Variants in GUCY1A2 observed in about 807,000 individuals in gnomAD.
GUCY1A2 encodes guanylate cyclase 1 soluble subunit alpha 2.
A neutral mutation model predicts 63.5 loss-of-function variants in GUCY1A2; 27 were observed. The ratio of observed to expected loss-of-function variants is 0.43; its 90% CI spans 0.31 to 0.59. The LOEUF (loss-of-function observed/expected upper bound fraction) is 0.59, where lower values mean the gene tolerates loss of function less well. GUCY1A2 is among the 20% of genes least tolerant of loss of function. The pLI is 0.11. For synonymous variants in GUCY1A2, 364 were observed against 343.5 expected, an observed-to-expected ratio of 1.06 and a Z score of -0.66; for missense variants, 768 against 913.3, an observed-to-expected ratio of 0.84 and a Z score of 2.05.
intron 1 of GUCY1A2, among the ~76,000 whole-genome samples, chr11:106,992,551 C>T (rs915216358): frequency 2.6e-5 from 4 of 151,802 alleles, no homozygotes; most frequent in Admixed American, 6.6e-5. Flanking sequence ...AGGATGGTCT[C>T]GATCTCCTGA....
intron 4 of GUCY1A2, among the ~76,000 whole-genome samples, chr11:106,934,505 A>G (rs954777311): frequency 8.5e-5 from 13 of 152,208 alleles, no homozygotes; most frequent in African/African-American, 2.4e-4. Flanking sequence ...AAACTTTTCA[A>G]TCATCGCCTC....
intron 4 of GUCY1A2, chr11:106,827,167 A>T: frequency 6.7e-7 from 1 of 1,499,642 alleles, no homozygotes; most frequent in South Asian, 1.1e-5. Context: ...TTTAAGATTC[A>T]AGCCTTCATG....
intron 6 of GUCY1A2, among the ~76,000 whole-genome samples, chr11:106,728,187 A>G (rs1418563614): frequency 6.6e-6 from 1 of 152,140 alleles, no homozygotes; most frequent in Non-Finnish European, 1.5e-5. Context: ...TTCTTCTTGC[A>G]CCATCCTACC....
Position 106,801,333 on chromosome 11 carries a change from T to C in GUCY1A2, c.1692+8660A>G, listed in dbSNP as rs138047627. On this transcript the variant is annotated intron_variant, in intron 5 of 7. Coordinates refer to ENST00000526355, the MANE Select transcript of GUCY1A2 (RefSeq NM_000855.3). ...TCATAACAGTCCTGTGACATACTAT[T>C]GTTTTCATTTTAAAAAGATGAACTC... is the stretch of plus-strand genomic sequence containing the variant. Among the ~76,000 whole-genome samples, 7 of 152,298 alleles carry C rather than the reference T, an allele frequency of 4.6e-5. No homozygotes were observed. The East Asian group carries it at 1.4e-3, about 29-fold the overall frequency.
At chr11:106,885,978 A>AAG (rs553383713) in intron 4 of GUCY1A2, among the ~76,000 whole-genome samples, 2 of 152,092 alleles carry the variant, frequency 1.3e-5, no homozygotes, top group Admixed American at 1.3e-4. Context: ...GAAAGAGAAA[A>AAG]AGAGAGAGAG....
intron 5 of GUCY1A2, among the ~76,000 whole-genome samples, chr11:106,805,711 C>T (rs1179894204): frequency 6.6e-6 from 1 of 152,130 alleles, no homozygotes; most frequent in Non-Finnish European, 1.5e-5. Flanking sequence ...GGAATGAAGA[C>T]AGAGGTGCTG....
chr11:106,897,731 T>C (rs922025261), intron 4 of GUCY1A2, among the ~76,000 whole-genome samples: 4 of 151,800 alleles, frequency 2.6e-5, no homozygotes, highest in African/African-American at 9.7e-5. Flanking sequence ...AGACCAAATG[T>C]TAAATGCAAA....
intron 6 of GUCY1A2, among the ~76,000 whole-genome samples, chr11:106,741,974 A>C (rs928291498): frequency 6.6e-6 from 1 of 152,220 alleles, no homozygotes; most frequent in Non-Finnish European, 1.5e-5. Flanking sequence ...ATGTATAACA[A>C]GGCTGTTCAT....
At chr11:107,014,177 C>G (rs1861787921) in intron 1 of GUCY1A2, among the ~76,000 whole-genome samples, 1 of 149,174 alleles carries the variant, frequency 6.7e-6, no homozygotes, top group Non-Finnish European at 1.5e-5. Flanking sequence ...CAACCTCTGC[C>G]TCCCGGGTTC....
intron 1 of GUCY1A2, among the ~76,000 whole-genome samples, chr11:107,013,735 T>C (rs1227501350): frequency 2.0e-5 from 3 of 152,058 alleles, no homozygotes; most frequent in Non-Finnish European, 4.4e-5. Flanking sequence ...ATTTTTATTA[T>C]TATGGCTGCA....
At chr11:106,708,759 T>TA in intron 6 of GUCY1A2, 93 bp from the exon 7 acceptor site, 1 of 749,736 alleles carries the variant, frequency 1.3e-6, no homozygotes, top group Non-Finnish European at 2.0e-6. Flanking sequence ...ATAATAATAA[T>TA]AATAAAAAAA....
chr11:106,769,200 C>G (rs985718928), intron 6 of GUCY1A2, among the ~76,000 whole-genome samples: 1 of 152,016 alleles, frequency 6.6e-6, no homozygotes, highest in East Asian at 1.9e-4. Flanking sequence ...AGTGAAAGAA[C>G]AAATGATGTA....
At chr11:106,897,480 G>C (rs111333266) in intron 4 of GUCY1A2, among the ~76,000 whole-genome samples, 2 of 151,928 alleles carry the variant, frequency 1.3e-5, no homozygotes, top group South Asian at 4.2e-4. Flanking sequence ...AAATAGAGTG[G>C]TATTTGCAAA....
intron 4 of GUCY1A2, among the ~76,000 whole-genome samples, chr11:106,891,937 C>G (rs1350545213): frequency 3.9e-5 from 6 of 152,040 alleles, no homozygotes; most frequent in Non-Finnish European, 8.8e-5. Context: ...AAAAATGCAG[C>G]TGAATTTTTA....
rs185014260 is a variant in GUCY1A2 at position 106,879,089 on chromosome 11, C to T, written c.1206+60371G>A. On this transcript the variant is annotated intron_variant, in intron 4 of 7. Coordinates refer to ENST00000526355, the MANE Select transcript of GUCY1A2 (RefSeq NM_000855.3). ...TCCTTGTAATGGATATGTCCTATAT[C>T]AAGGGTTTCACACCAGAACAGTCTT... Among the ~76,000 whole-genome samples, 6 of 151,684 alleles carry T rather than the reference C, an allele frequency of 4.0e-5. No homozygotes were observed. In the Admixed American group the frequency reaches 4.0e-4, roughly 10 times the overall value.
At chr11:106,736,598 G>T (rs1371377607) in intron 6 of GUCY1A2, among the ~76,000 whole-genome samples, 1 of 151,994 alleles carries the variant, frequency 6.6e-6, no homozygotes, top group Non-Finnish European at 1.5e-5. Flanking sequence ...GCTCATAATG[G>T]ATTTGGCTAT....
intron 3 of GUCY1A2, among the ~76,000 whole-genome samples, chr11:106,962,810 T>C (rs1861076619): frequency 6.7e-6 from 1 of 149,848 alleles, no homozygotes; most frequent in Non-Finnish European, 1.5e-5. Context: ...TACACATATA[T>C]GTATAATCTG....
intron 3 of GUCY1A2, among the ~76,000 whole-genome samples, chr11:106,969,156 C>T (rs1861163211): frequency 6.6e-6 from 1 of 152,118 alleles, no homozygotes; most frequent in Admixed American, 6.5e-5. Flanking sequence ...ATTTAAGTAA[C>T]ATCTTTATTG....
chr11:106,894,667 C>A (rs934956807), intron 4 of GUCY1A2, among the ~76,000 whole-genome samples: 3 of 151,978 alleles, frequency 2.0e-5, no homozygotes, highest in African/African-American at 4.8e-5. Flanking sequence ...ACTTGAATAA[C>A]CTATGTCAAA....
Sources: gnomAD v4.1 joint callset for allele counts (sites outside exome capture counted in the v4.1 genomes callset) on GRCh38, gnomAD v4.1.1 for gene constraint, MANE v1.5 for transcripts, NCBI Gene and HGNC (gene_info 2026-07-23, HGNC 2026-07-21) for gene names.